Variants in KCNMA1 observed in about 807,000 individuals in gnomAD.
KCNMA1 encodes the protein Calcium-activated potassium channel subunit alpha-1.
KCNMA1 carries 29 observed loss-of-function variants against 140.0 expected under a neutral mutation model. That is an observed-to-expected ratio of 0.21 (90% CI 0.15 to 0.28). The LOEUF is 0.28. Ranked by LOEUF, KCNMA1 falls within the 10% of genes least tolerant of loss-of-function variation. The pLI is 1.00. For missense variants in KCNMA1, 880 were observed against 1,602.2 expected (o/e 0.55, Z 7.70); for synonymous variants, 612 against 611.9 (o/e 1.00, Z 0.00).
downstream of KCNMA1, chr10:76,884,474 C>T (rs2035936639): frequency 6.8e-6 from 1 of 147,260 alleles, no homozygotes; most frequent in Non-Finnish European, 1.5e-5. Flanking sequence ...CCAAGATGAA[C>T]ACAGAGATGT....
chr10:77,545,384 A>G (rs1603634848), intron 1 of KCNMA1, among the ~76,000 whole-genome samples: 1 of 152,212 alleles, frequency 6.6e-6, no homozygotes, highest in East Asian at 1.9e-4. Context: ...GAGGGAAAAT[A>G]GGATAAAAAT....
chr10:77,284,992 T>C (rs376780685), intron 2 of KCNMA1, among the ~76,000 whole-genome samples: 62 of 152,382 alleles, frequency 4.1e-4, no homozygotes, highest in African/African-American at 1.5e-3. Flanking sequence ...TGGCTTTTCC[T>C]GTTCTCCCGA....
Position 77,075,475 on chromosome 10 carries a change from C to A in KCNMA1, c.1594-2223G>T, listed in dbSNP as rs914234359. ...GAGACAGCTCTGAACCTTCATGGCA[C>A]CTTCAAACAAACAAGCAAAACCTTT... On this transcript the variant is annotated intron_variant, in intron 13 of 27. Transcript: ENST00000286628. Among the ~76,000 whole-genome samples, 7 of 152,210 alleles carry A rather than the reference C, an allele frequency of 4.6e-5. No individual in the cohort carries two copies. The East Asian group carries it at 1.2e-3, about 25-fold the overall frequency.
At chr10:77,560,055 T>C (rs914845324) in intron 1 of KCNMA1, among the ~76,000 whole-genome samples, 1 of 148,738 alleles carries the variant, frequency 6.7e-6, no homozygotes. Context: ...TGGTGGCGGG[T>C]GCCTGTAATC....
intron 19 of KCNMA1, among the ~76,000 whole-genome samples, chr10:76,992,812 TG>T (rs2153352196): frequency 6.6e-6 from 1 of 152,324 alleles, no homozygotes; most frequent in South Asian, 2.1e-4. Context: ...TACTTAGAAA[TG>T]CCACATGACT....
intron 1 of KCNMA1, among the ~76,000 whole-genome samples, chr10:77,421,395 T>C (rs897122746): frequency 1.3e-5 from 2 of 152,206 alleles, no homozygotes; most frequent in Non-Finnish European, 2.9e-5. Flanking sequence ...ACTCAAGGCA[T>C]TTGCAAGTAC....
At chr10:77,009,817 G>A (rs2090261172) in intron 18 of KCNMA1, among the ~76,000 whole-genome samples, 1 of 152,090 alleles carries the variant, frequency 6.6e-6, no homozygotes, top group Admixed American at 6.6e-5. Flanking sequence ...AGGCCTTCCT[G>A]ACCTTCCAAG....
chr10:77,227,961 TTAA>T (rs2052099716), intron 3 of KCNMA1, among the ~76,000 whole-genome samples: 1 of 98,092 alleles, frequency 1.0e-5, no homozygotes, highest in East Asian at 3.6e-4. Context: ...AGCATTTAAT[TTAA>T]TTTTTTTTTT....
At chr10:77,575,314 A>G (rs1603637323) in intron 1 of KCNMA1, among the ~76,000 whole-genome samples, 4 of 152,200 alleles carry the variant, frequency 2.6e-5, no homozygotes, top group South Asian at 4.1e-4. Flanking sequence ...CAAGAGGAGG[A>G]GAATGCATGA....
chr10:77,465,301 G>A (rs1252102172), intron 1 of KCNMA1, among the ~76,000 whole-genome samples: 1 of 152,166 alleles, frequency 6.6e-6, no homozygotes, highest in Non-Finnish European at 1.5e-5. Context: ...CAGACCCAGG[G>A]GCACCAGTCA....
At chr10:77,186,625 C>CA (rs1314178050) in intron 3 of KCNMA1, among the ~76,000 whole-genome samples, 6 of 152,020 alleles carry the variant, frequency 3.9e-5, no homozygotes, top group African/African-American at 1.4e-4. Context: ...GTTTTTGTTT[C>CA]AAAAACAAGA....
intron 5 of KCNMA1, among the ~76,000 whole-genome samples, chr10:77,157,541 T>C (rs1334059132): frequency 6.6e-6 from 1 of 152,086 alleles, no homozygotes; most frequent in Non-Finnish European, 1.5e-5. Flanking sequence ...GTTTTTTAAA[T>C]AATAAAATAA....
chr10:76,887,236 A>C lies in KCNMA1; in HGVS notation c.*30T>G. 6.2e-7 allele frequency: 1 copy of C among 1,614,028 alleles called. No individual in the cohort carries two copies. Among genetic ancestry groups the C allele is most frequent in the Non-Finnish European group, 8.5e-7 (1 of 1,180,014 alleles). On this transcript the variant is annotated 3_prime_UTR_variant, in exon 28 of 28. Coordinates refer to ENST00000286628, the MANE Select transcript of KCNMA1 (RefSeq NM_001161352.2). ...AACTGGGGAAATGAGTGGCAGATAC[A>C]GTTTCACACAGTGGCGGTGGATACA... is the stretch of plus-strand genomic sequence containing the variant.
intron 6 of KCNMA1, 37 bp downstream of exon 6, chr10:77,120,936 G>A (rs747382448): frequency 8.5e-7 from 1 of 1,175,606 alleles, no homozygotes. Context: ...TGGCATAGGG[G>A]ACTGGAATGA....
intron 1 of KCNMA1, among the ~76,000 whole-genome samples, chr10:77,444,502 C>T (rs11593384): frequency 0.016 from 2,391 of 152,292 alleles, 27 homozygotes; most frequent in Middle Eastern, 0.058. Flanking sequence ...AATAATGAAA[C>T]GACACCTGTT....
intron 5 of KCNMA1, among the ~76,000 whole-genome samples, chr10:77,142,370 A>T (rs142218509): frequency 1.9e-4 from 11 of 57,552 alleles, no homozygotes; most frequent in Non-Finnish European, 2.8e-4. Flanking sequence ...GACTCCATTT[A>T]AAAAAAAAAA....
Position 77,285,027 on chromosome 10 carries a change from T to C in KCNMA1, c.541-33771A>G, listed in dbSNP as rs1003796748. On this transcript the variant is annotated intron_variant, in intron 2 of 27. Transcript: ENST00000286628. Reference sequence around the variant, plus strand: ...AAACAGTCTTAAGTGATCTCATTTATCATGAATTTCTGTAAGCATTAACAG... The same window carrying C: ...AAACAGTCTTAAGTGATCTCATTTACCATGAATTTCTGTAAGCATTAACAG... 3.9e-5 allele frequency among the ~76,000 whole-genome samples: 6 copies of C among 152,232 alleles called. No individual in the cohort carries two copies. The East Asian group carries it at 5.8e-4, about 15-fold the overall frequency.
chr10:77,389,432 A>G (rs554524382), intron 2 of KCNMA1, among the ~76,000 whole-genome samples: 1 of 152,224 alleles, frequency 6.6e-6, no homozygotes, highest in African/African-American at 2.4e-5. Context: ...ATGGACTTTC[A>G]GGGGCCCCAT....
At chr10:77,115,645 G>C (rs886402171) in intron 6 of KCNMA1, among the ~76,000 whole-genome samples, 2 of 152,086 alleles carry the variant, frequency 1.3e-5, no homozygotes, top group African/African-American at 4.8e-5. Context: ...GAGTCTCCTT[G>C]GTGCTTTGGA....
Sources: gnomAD v4.1 joint callset for allele counts (sites outside exome capture counted in the v4.1 genomes callset) on GRCh38, gnomAD v4.1.1 for gene constraint, MANE v1.5 for transcripts, NCBI Gene and HGNC (gene_info 2026-07-23, HGNC 2026-07-21) for gene names.